Variants in KIRREL3 observed in about 807,000 individuals in gnomAD.
The protein encoded by KIRREL3 is kin of IRRE-like protein 3.
A neutral mutation model predicts 89.7 loss-of-function variants in KIRREL3; 36 were observed. The ratio of observed to expected loss-of-function variants is 0.40; its 90% CI spans 0.31 to 0.53. The LOEUF (loss-of-function observed/expected upper bound fraction) is 0.53, where lower values mean the gene tolerates loss of function less well. Among genes scored for constraint, KIRREL3 ranks in the 20% least tolerant of loss-of-function variants. KIRREL3 has a pLI of 0.49. For missense variants in KIRREL3, 864 were observed against 1,056.6 expected (o/e 0.82, Z 2.53); for synonymous variants, 445 against 441.4 (o/e 1.01, Z -0.10).
Position 126,778,420 on chromosome 11 carries a change from T to C in KIRREL3, c.56-215508A>G, listed in dbSNP as rs1950232023. 6.6e-6 allele frequency among the ~76,000 whole-genome samples: 1 copy of C among 152,188 alleles called. No homozygotes were observed. The highest frequency in any genetic ancestry group is 1.5e-5 in the Non-Finnish European group (1 of 68,032). ...ATCTTTCTATGTCCATAAATACACT[T>C]CCACACCATAGCATTTAATGTCTAC... On this transcript the variant is annotated intron_variant, in intron 1 of 16. Coordinates refer to ENST00000525144, the MANE Select transcript of KIRREL3 (RefSeq NM_032531.4). This position sits in a 1 kb window ranked among gnomAD's most constrained non-coding sequence, Gnocchi z 4.5.
In KIRREL3 at chr11:126,612,673, G is replaced by A. The variant is rs964560473; in HGVS notation, c.56-49761C>T. Among the ~76,000 whole-genome samples the A allele has an allele frequency of 4.6e-5, 7 of 151,970 alleles. No homozygotes were observed. Among genetic ancestry groups the A allele is most frequent in the Admixed American group, 1.3e-4 (2 of 15,270 alleles). ...CCCATCACTCCCCATTTCTGTCCCC[G>A]TCGGTAGCCATTAACCCACTTTCTG... On this transcript the variant is annotated intron_variant, in intron 1 of 16. Coordinates refer to ENST00000525144, the MANE Select transcript of KIRREL3 (RefSeq NM_032531.4). The surrounding 1 kb of genome is among the most constrained non-coding windows in gnomAD (Gnocchi z 4.5).
intron 1 of KIRREL3, among the ~76,000 whole-genome samples, chr11:126,957,058 G>A (rs1948942589): frequency 6.6e-6 from 1 of 152,176 alleles, no homozygotes; most frequent in Non-Finnish European, 1.5e-5. Context: ...CTGCTTCTAT[G>A]GTGTCTCCCC....
At chr11:126,518,522 A>G (rs1958487043) in intron 4 of KIRREL3, among the ~76,000 whole-genome samples, 1 of 152,224 alleles carries the variant, frequency 6.6e-6, no homozygotes, top group Admixed American at 6.5e-5. Context: ...TTTAATTAAA[A>G]ATCTATCTCA....
chr11:126,730,784 G>T (rs1948586972), intron 1 of KIRREL3, among the ~76,000 whole-genome samples: 1 of 151,986 alleles, frequency 6.6e-6, no homozygotes, highest in Non-Finnish European at 1.5e-5. Context: ...TGTCACCCAG[G>T]CTGGAGTGCA....
In KIRREL3 at chr11:126,491,953, C is replaced by T. The variant is rs1398598004; in HGVS notation, c.434-18487G>A. Among the ~76,000 whole-genome samples the T allele has an allele frequency of 6.6e-6, 1 of 152,156 alleles. No individual in the cohort carries two copies. The highest frequency in any genetic ancestry group is 1.5e-5 in the Non-Finnish European group (1 of 68,032). The stretch of plus-strand genomic sequence containing the variant: ...CAGACCTCAAGTGATCCTCCCGCAT[C>T]AGCTTCCCAAAGTGCTAGGATTACA... On this transcript the variant is annotated intron_variant, in intron 4 of 16. Transcript: ENST00000525144. The surrounding 1 kb of genome is among the most constrained non-coding windows in gnomAD (Gnocchi z 5.5).
In KIRREL3 at chr11:126,476,757, G is replaced by T. The variant is rs1018704471; in HGVS notation, c.434-3291C>A. 1.3e-5 allele frequency among the ~76,000 whole-genome samples: 2 copies of T among 152,144 alleles called. No homozygotes were observed. Among genetic ancestry groups the T allele is most frequent in the Non-Finnish European group, 2.9e-5 (2 of 68,020 alleles). ...GTCGCTCTTGGCAGCTGTGTCTGGC[G>T]TGGAAGGGGGCTCCTCATTACCTCC... is the stretch of plus-strand genomic sequence containing the variant. On this transcript the variant is annotated intron_variant, in intron 4 of 16. Transcript: ENST00000525144. The surrounding 1 kb of genome is among the most constrained non-coding windows in gnomAD (Gnocchi z 6.4).
intron 1 of KIRREL3, among the ~76,000 whole-genome samples, chr11:126,617,531 C>G (rs1244187574): frequency 6.6e-6 from 1 of 152,184 alleles, no homozygotes; most frequent in Admixed American, 6.5e-5. Flanking sequence ...TATATGCCCT[C>G]TAAATAGTTT....
At position 126,463,421 on chromosome 11, in the gene KIRREL3, G is replaced by A; in HGVS notation, c.592-114C>T. The A allele has an allele frequency of 9.0e-7, 1 of 1,107,466 alleles. No homozygotes were observed. The highest frequency in any genetic ancestry group is 2.6e-5 in the East Asian group (1 of 38,740). The allele number at this position is 1,107,466 out of a possible 1,614,324, so 68.6% of individuals were successfully genotyped here. On this transcript the variant is annotated intron_variant, in intron 5 of 16. Coordinates refer to ENST00000525144, the MANE Select transcript of KIRREL3 (RefSeq NM_032531.4). The surrounding 1 kb of genome is among the most constrained non-coding windows in gnomAD (Gnocchi z 5.9). ...GACAGAAGGGGGAGCTGTGGATGGA[G>A]GGGTTCAGCTTAGGAGACCTGGGCT...
Position 126,814,683 on chromosome 11 carries a change from C to T in KIRREL3, c.55+185772G>A, listed in dbSNP as rs1951499511. 6.6e-6 allele frequency among the ~76,000 whole-genome samples: 1 copy of T among 152,300 alleles called. No homozygotes were observed. The highest frequency in any genetic ancestry group is 1.9e-4 in the East Asian group (1 of 5,186). ...TAACACAGGAACAGAAAACCAAACA[C>T]TGCATGTTCTCACTTCTAAGTAGGA... On this transcript the variant is annotated intron_variant, in intron 1 of 16. Coordinates refer to ENST00000525144, the MANE Select transcript of KIRREL3 (RefSeq NM_032531.4). This position sits in a 1 kb window ranked among gnomAD's most constrained non-coding sequence, Gnocchi z 4.4.
At position 126,771,091 on chromosome 11, in the gene KIRREL3, C is replaced by T. The variant is rs1950006362; in HGVS notation, c.56-208179G>A. Reference sequence around the variant, plus strand: ...CCTCAGGGTGATCCGCTTGCCTTGGCATCCCAAAGTCCTGGGATTACAGGC... The same window carrying T: ...CCTCAGGGTGATCCGCTTGCCTTGGTATCCCAAAGTCCTGGGATTACAGGC... On this transcript the variant is annotated intron_variant, in intron 1 of 16. Coordinates refer to ENST00000525144, the MANE Select transcript of KIRREL3 (RefSeq NM_032531.4). The surrounding 1 kb of genome is among the most constrained non-coding windows in gnomAD (Gnocchi z 4.4). Among the ~76,000 whole-genome samples, 1 of 152,208 alleles carries T rather than the reference C, an allele frequency of 6.6e-6. No individual in the cohort carries two copies. The highest frequency in any genetic ancestry group is 2.4e-5 in the African/African-American group (1 of 41,446).
At position 126,883,616 on chromosome 11, in the gene KIRREL3, C is replaced by T. The variant is rs1025232476; in HGVS notation, c.55+116839G>A. The stretch of plus-strand genomic sequence containing the variant: ...CTCCAGGAAGAATGTATTGTTCTTA[C>T]GTCAGCACTCCCATAAAACCTCTAT... On this transcript the variant is annotated intron_variant, in intron 1 of 16. Transcript: ENST00000525144. This position sits in a 1 kb window ranked among gnomAD's most constrained non-coding sequence, Gnocchi z 4.1. Among the ~76,000 whole-genome samples the T allele has an allele frequency of 2.6e-5, 4 of 152,086 alleles. No individual in the cohort carries two copies. Among genetic ancestry groups the T allele is most frequent in the Admixed American group, 6.5e-5 (1 of 15,270 alleles).
chr11:126,822,443 G>A lies in KIRREL3; in HGVS notation c.55+178012C>T, dbSNP rs538360576. ...TAGGCACATATCACAAATTTCAAGG[G>A]GCCCTGCCCTTTTAGGCTTTGCCCA... On this transcript the variant is annotated intron_variant, in intron 1 of 16. Transcript: ENST00000525144. 5.3e-5 allele frequency among the ~76,000 whole-genome samples: 8 copies of A among 152,010 alleles called. No homozygotes were observed. In the South Asian group the frequency reaches 1.7e-3, roughly 32 times the overall value.
rs367575250 is a variant in KIRREL3, at chr11:126,987,356, C to T, written c.55+13099G>A. ...ATACAACCGTCTATGTATTTTCAAA[C>T]TTTCCTTGGCATGAATACAATGGCA... On this transcript the variant is annotated intron_variant, in intron 1 of 16. Coordinates refer to ENST00000525144, the MANE Select transcript of KIRREL3 (RefSeq NM_032531.4). The surrounding 1 kb of genome is among the most constrained non-coding windows in gnomAD (Gnocchi z 4.6). Among the ~76,000 whole-genome samples, 81 of 152,280 alleles carry T rather than the reference C, an allele frequency of 5.3e-4. No homozygotes were observed. The highest frequency in any genetic ancestry group is 1.9e-3 in the African/African-American group (79 of 41,550).
intron 2 of KIRREL3, among the ~76,000 whole-genome samples, chr11:126,556,157 G>T (rs939789343): frequency 1.3e-5 from 2 of 152,226 alleles, no homozygotes; most frequent in Non-Finnish European, 2.9e-5. Context: ...TGGGCATGGG[G>T]ATTGGGCATG....
chr11:126,494,426 G>C (rs1591632002), intron 4 of KIRREL3, among the ~76,000 whole-genome samples: 1 of 152,224 alleles, frequency 6.6e-6, no homozygotes, highest in East Asian at 1.9e-4. Flanking sequence ...TATAAATGAG[G>C]TGCACGTTTT....
In KIRREL3 at chr11:126,614,761, C is replaced by T. The variant is rs943115231; in HGVS notation, c.56-51849G>A. On this transcript the variant is annotated intron_variant, in intron 1 of 16. Transcript: ENST00000525144. This position sits in a 1 kb window ranked among gnomAD's most constrained non-coding sequence, Gnocchi z 4.6. ...GATTCTGTGCTGGGGTTCGAGGTGT[C>T]TCCGCTGGGAGACTCTGGGGAGATC... 5.3e-5 allele frequency among the ~76,000 whole-genome samples: 8 copies of T among 152,112 alleles called. No homozygotes were observed. The highest frequency in any genetic ancestry group is 1.9e-4 in the African/African-American group (8 of 41,408).
At chr11:126,586,686 C>T (rs1941877798) in intron 1 of KIRREL3, among the ~76,000 whole-genome samples, 1 of 152,128 alleles carries the variant, frequency 6.6e-6, no homozygotes, top group Non-Finnish European at 1.5e-5. Context: ...AGCCTCATCA[C>T]TTTCTCTGGC....
At chr11:126,881,977 G>T (rs763262690) in intron 1 of KIRREL3, among the ~76,000 whole-genome samples, 7 of 152,154 alleles carry the variant, frequency 4.6e-5, no homozygotes, top group African/African-American at 7.2e-5. Context: ...CCTTCCTGGG[G>T]TGCATGTATG....
chr11:126,557,663 G>A lies in KIRREL3; in HGVS notation c.133+5172C>T, dbSNP rs535773620. ...CATTTTTTTATTAGTGTACGAGGGT[G>A]CATAAAGAACAGGCTCTCACGCCAT... On this transcript the variant is annotated intron_variant, in intron 2 of 16. Transcript: ENST00000525144. This position sits in a 1 kb window ranked among gnomAD's most constrained non-coding sequence, Gnocchi z 5.6. Among the ~76,000 whole-genome samples the A allele has an allele frequency of 6.6e-6, 1 of 152,184 alleles. No homozygotes were observed. The highest frequency in any genetic ancestry group is 2.4e-5 in the African/African-American group (1 of 41,436).
Sources: allele counts gnomAD v4.1 joint callset (sites outside exome capture counted in the v4.1 genomes callset), GRCh38; gene constraint gnomAD v4.1.1; non-coding constraint Gnocchi (gnomAD v3.1); transcripts MANE v1.5; gene names NCBI Gene and HGNC (gene_info 2026-07-23, HGNC 2026-07-21).